Variants in DENND5B observed in about 807,000 individuals in gnomAD.
DENND5B encodes the protein DENN domain-containing protein 5B.
In DENND5B, 34 loss-of-function variants were observed where a neutral mutation model predicts 140.6. The ratio of observed to expected loss-of-function variants is 0.24; its 90% CI spans 0.18 to 0.32. The LOEUF (loss-of-function observed/expected upper bound fraction) is 0.32. Ranked by LOEUF, DENND5B falls within the 10% of genes least tolerant of loss-of-function variation. The pLI is 1.00. For synonymous variants in DENND5B, 551 were observed against 562.1 expected (o/e 0.98, Z 0.28); for missense variants, 1,142 against 1,560.2 (o/e 0.73, Z 4.52).
chr12:31,465,309 C>T (rs1945208910), intron 3 of DENND5B: 1 of 152,354 alleles, frequency 6.6e-6, no homozygotes, highest in Non-Finnish European at 1.5e-5. Context: ...CAGCATGCCT[C>T]TGGTGGACTT....
chr12:31,473,569 G>T (rs143646458), intron 3 of DENND5B, among the ~76,000 whole-genome samples: 221 of 152,270 alleles, frequency 1.5e-3, no homozygotes, highest in Admixed American at 0.01. Context: ...GTGGAGTGTG[G>T]GCTAGGGCTT....
intron 13 of DENND5B, among the ~76,000 whole-genome samples, chr12:31,409,789 TTTTG>T (rs1161354252): frequency 6.6e-6 from 1 of 152,042 alleles, no homozygotes; most frequent in African/African-American, 2.4e-5. Context: ...ATTTTTTTTC[TTTTG>T]TTTCTTTCCC....
intron 1 of DENND5B, among the ~76,000 whole-genome samples, chr12:31,586,832 C>G (rs1222505179): frequency 6.6e-6 from 1 of 152,176 alleles, no homozygotes; most frequent in African/African-American, 2.4e-5. Flanking sequence ...GTGATAAAGA[C>G]AGATCAGCTC....
Position 31,479,902 on chromosome 12 carries a change from C to G in DENND5B, c.591G>C (p.Pro197=), listed in dbSNP as rs759838534. The G allele has an allele frequency of 4.0e-5, 65 of 1,613,748 alleles. No homozygotes were observed. The highest frequency in any genetic ancestry group is 5.1e-5 in the Non-Finnish European group (60 of 1,179,812). The part of the protein sequence containing the change: ...YVSKSICLIT[P]LPFMQACKKF... The stretch of plus-strand genomic sequence containing the variant: ...TCTTGCAGGCCTGCATGAATGGTAA[C>G]GGTGTGATCAAGCATATACTTTTTG... Residue 197 remains proline, a synonymous_variant, in exon 3 of 21, where the codon CCG becomes CCC. Transcript: ENST00000389082.
chr12:31,570,002 T>C (rs1212064464), intron 1 of DENND5B, among the ~76,000 whole-genome samples: 1 of 151,948 alleles, frequency 6.6e-6, no homozygotes, highest in Non-Finnish European at 1.5e-5. Context: ...GAGACCATCC[T>C]GGCTAACACG....
At chr12:31,561,674 A>G (rs1478650202) in intron 1 of DENND5B, among the ~76,000 whole-genome samples, 1 of 152,242 alleles carries the variant, frequency 6.6e-6, no homozygotes, top group African/African-American at 2.4e-5. Flanking sequence ...TGACAAATAG[A>G]AAACATTGCC....
chr12:31,534,502 T>C (rs1173110063), intron 1 of DENND5B, among the ~76,000 whole-genome samples: 1 of 152,090 alleles, frequency 6.6e-6, no homozygotes, highest in African/African-American at 2.4e-5. Flanking sequence ...AATCACGAGC[T>C]CCACAAAAAT....
chr12:31,478,274 T>C (rs1321610501), intron 3 of DENND5B, among the ~76,000 whole-genome samples: 2 of 152,112 alleles, frequency 1.3e-5, no homozygotes, highest in Admixed American at 6.5e-5. Flanking sequence ...GATGGGGAAG[T>C]ACAAATATAG....
At chr12:31,529,103 C>A (rs1948190306) in intron 1 of DENND5B, among the ~76,000 whole-genome samples, 1 of 144,588 alleles carries the variant, frequency 6.9e-6, no homozygotes, top group Non-Finnish European at 1.5e-5. Flanking sequence ...GCGGAGGTTG[C>A]AGTGAGCCAA....
intron 1 of DENND5B, among the ~76,000 whole-genome samples, chr12:31,509,996 C>CTTTA (rs1714302390): frequency 6.6e-6 from 1 of 152,214 alleles, no homozygotes; most frequent in South Asian, 2.1e-4. Context: ...GCTGGACCTA[C>CTTTA]TTTAGTTTCT....
chr12:31,590,732 C>T lies in DENND5B; in HGVS notation c.101G>A (p.Ser34Asn), dbSNP rs1950592335. 5 of 1,476,644 alleles carry T rather than the reference C, an allele frequency of 3.4e-6. No individual in the cohort carries two copies. The East Asian group carries it at 1.5e-4, about 44-fold the overall frequency. The allele number at this position is 1,476,644 out of a possible 1,614,324, so 91.5% of individuals were successfully genotyped here. A position where few individuals can be genotyped will look rare whatever the true frequency, so the allele number is the denominator to read the frequency against. The change falls in exon 1 of 21, where the codon AGC (serine) becomes AAC (asparagine). Residue 34 changes from serine (S) to asparagine (N), a missense_variant. By Grantham distance (46) the Ser-to-Asn change is conservative. Around this residue, in one of 5 missense-constraint regions of DENND5B, gnomAD observed 708 missense variants for 905.5 expected, o/e 0.78. Coordinates refer to ENST00000389082, the MANE Select transcript of DENND5B (RefSeq NM_144973.4). ...YFVLCGIDAD[S>N]GLEPDELAGE... ...CGCCAGCTCGTCAGGCTCCAGCCCG[C>T]TGTCCGCGTCGATCCCGCACAGCAC...
chr12:31,460,316 G>A lies in DENND5B; in HGVS notation c.970C>T (p.His324Tyr). 6.2e-7 allele frequency: 1 copy of A among 1,613,952 alleles called. No individual in the cohort carries two copies. The highest frequency in any genetic ancestry group is 8.5e-7 in the Non-Finnish European group (1 of 1,179,886). Residue 324 changes from histidine to tyrosine, a missense_variant, in exon 4 of 21, where the codon CAT becomes TAT. This residue lies in a region of DENND5B where 708 missense variants were observed against 905.5 expected (regional missense o/e 0.78). Transcript: ENST00000389082. ...TTLLFPFQWQ[H>Y]VYVPILPASL... The stretch of plus-strand genomic sequence containing the variant: ...GCAGGTAGAATGGGCACATAAACAT[G>A]TTGCCATTGAAATGGGAACAAAAGT...
Position 31,442,806 on chromosome 12 carries a change from C to T in DENND5B, c.1981G>A (p.Asp661Asn), listed in dbSNP as rs1171811242. The stretch of plus-strand genomic sequence containing the variant: ...CTGGTTGGTCCTGTTGCCAAGACAT[C>T]GGACTGTAACTTTGGAAAGAACCCC... The part of the protein sequence containing the change: ...EQGFFPKLQS[D>N]VLATGPTSNN... Residue 661 changes from aspartate (D) to asparagine (N), a missense_variant, in exon 7 of 21, where the codon GAT (aspartate) becomes AAT (asparagine). Transcript: ENST00000389082. 8 of 1,613,502 alleles carry T rather than the reference C, an allele frequency of 5.0e-6. No individual in the cohort carries two copies. The highest frequency in any genetic ancestry group is 4.5e-5 in the East Asian group (2 of 44,874).
chr12:31,448,793 G>C (rs1243787935), intron 5 of DENND5B, among the ~76,000 whole-genome samples: 1 of 152,148 alleles, frequency 6.6e-6, no homozygotes, highest in Non-Finnish European at 1.5e-5. Context: ...GGAGGATCCT[G>C]TGAGCCCAGG....
At chr12:31,582,185 ATTTT>A (rs1272712570) in intron 1 of DENND5B, among the ~76,000 whole-genome samples, 1 of 151,672 alleles carries the variant, frequency 6.6e-6, no homozygotes. Context: ...TTTAGGATTA[ATTTT>A]TTTTTAACAG....
chr12:31,528,937 G>A (rs1044205456), intron 1 of DENND5B, among the ~76,000 whole-genome samples: 6 of 151,696 alleles, frequency 4.0e-5, no homozygotes, highest in South Asian at 2.1e-4. Context: ...CGAGGCAGGC[G>A]ACCACCTGAG....
At position 31,538,733 on chromosome 12, in the gene DENND5B, G is replaced by A. The variant is rs551095333; in HGVS notation, c.128-42814C>T. Among the ~76,000 whole-genome samples the A allele has an allele frequency of 2.6e-5, 4 of 152,188 alleles. No homozygotes were observed. In the South Asian group the frequency reaches 8.3e-4, roughly 32 times the overall value. ...AATACAAAAAAATTAGCCGGGCATG[G>A]TGGTGTGCACCTGTAATCTCAGTTA... On this transcript the variant is annotated intron_variant, in intron 1 of 20. Transcript: ENST00000389082.
At chr12:31,399,814 T>C (rs1285443225) in intron 15 of DENND5B, 42 bp from the exon 16 acceptor site, 2 of 1,467,734 alleles carry the variant, frequency 1.4e-6, no homozygotes, top group Admixed American at 1.8e-5. Flanking sequence ...CCCAATCCCA[T>C]CCTGTTACAT....
In DENND5B at chr12:31,464,797, G is replaced by C. The variant is rs987114614; in HGVS notation, c.905-4416C>G. ...GCTGGTCTTGAACTCCTGACCTCAAGTGATCTGCCTGCCTGCCTCCGCCTC... is the reference window on the plus strand; with the variant it reads ...GCTGGTCTTGAACTCCTGACCTCAACTGATCTGCCTGCCTGCCTCCGCCTC... On this transcript the variant is annotated intron_variant, in intron 3 of 20. Transcript: ENST00000389082. Among the ~76,000 whole-genome samples, 4 of 152,076 alleles carry C rather than the reference G, an allele frequency of 2.6e-5. No homozygotes were observed. In the South Asian group the frequency reaches 6.2e-4, roughly 24 times the overall value.
Sources: allele counts gnomAD v4.1 joint callset (sites outside exome capture counted in the v4.1 genomes callset), GRCh38; gene constraint gnomAD v4.1.1; regional missense constraint gnomAD v4.1.1; transcripts MANE v1.5; gene names NCBI Gene and HGNC (gene_info 2026-07-23, HGNC 2026-07-21).